The following DGKI variants were observed in gnomAD, a reference collection of about 807,000 sequenced individuals.
The protein encoded by DGKI is DAG kinase iota.
A neutral mutation model predicts 147.5 loss-of-function variants in DGKI; 55 were observed. That is an observed-to-expected ratio of 0.37 (90% confidence interval 0.30 to 0.47). DGKI has a LOEUF of 0.47. Among genes scored for constraint, DGKI ranks in the 20% least tolerant of loss-of-function variants. DGKI has a pLI of 1.00. For missense variants in DGKI, 1,007 were observed against 1,323.8 expected (o/e 0.76, Z 3.71); for synonymous variants, 469 against 477.1 (o/e 0.98, Z 0.22).
intron 2 of DGKI, among the ~76,000 whole-genome samples, chr7:137,688,637 G>A (rs769986012): frequency 3.3e-5 from 5 of 152,104 alleles, no homozygotes; most frequent in Non-Finnish European, 5.9e-5. Context: ...CAACTCTTTC[G>A]GTTCCTTGAT....
chr7:137,719,116 G>A (rs971162023), intron 1 of DGKI, among the ~76,000 whole-genome samples: 5 of 151,996 alleles, frequency 3.3e-5, no homozygotes, highest in Non-Finnish European at 2.9e-5. Flanking sequence ...AGTTCATGTC[G>A]AACGTGTCCT....
At chr7:137,807,698 T>C (rs1797425121) in intron 1 of DGKI, among the ~76,000 whole-genome samples, 1 of 152,204 alleles carries the variant, frequency 6.6e-6, no homozygotes. Flanking sequence ...AGGCAAGCCC[T>C]GAAACTAGAA....
intron 3 of DGKI, among the ~76,000 whole-genome samples, chr7:137,659,344 G>T (rs567033707): frequency 6.6e-6 from 1 of 152,070 alleles, no homozygotes; most frequent in Non-Finnish European, 1.5e-5. Flanking sequence ...TTAGCAAATC[G>T]GAAATTTTAA....
At chr7:137,490,529 T>C (rs576823066) in intron 21 of DGKI, among the ~76,000 whole-genome samples, 6 of 152,348 alleles carry the variant, frequency 3.9e-5, no homozygotes, top group Admixed American at 2.6e-4. Context: ...GTAAGTTATA[T>C]GCCAGTTTTC....
chr7:137,503,043 C>T (rs952673099), intron 21 of DGKI, among the ~76,000 whole-genome samples: 2 of 152,140 alleles, frequency 1.3e-5, no homozygotes, highest in Non-Finnish European at 2.9e-5. Context: ...TGAAGTCAGA[C>T]ACATTCTCGT....
At chr7:137,792,943 G>T (rs1796901572) in intron 1 of DGKI, among the ~76,000 whole-genome samples, 2 of 152,118 alleles carry the variant, frequency 1.3e-5, no homozygotes, top group Non-Finnish European at 2.9e-5. Context: ...CCCAGTCTCA[G>T]GTATTCCTAC....
chr7:137,493,975 A>C lies in DGKI; in HGVS notation c.2249-6286T>G, dbSNP rs1815868548. ...AGATGAAAGATGAAATGACCATTTT[A>C]AGAAATAACTAAATTGAGATGCTAG... On this transcript the variant is annotated intron_variant, in intron 21 of 32. Coordinates refer to ENST00000614521, the MANE Select transcript of DGKI (RefSeq NM_001321708.2). 7.2e-6 allele frequency: 4 copies of C among 552,272 alleles called. No homozygotes were observed. The East Asian group carries it at 1.2e-4, about 16-fold the overall frequency. 34.2% of individuals were successfully genotyped at this position (552,272 alleles called of 1,614,324 possible).
chr7:137,479,731 T>C lies in DGKI; in HGVS notation c.2373+5643A>G, dbSNP rs187236894. 2.0e-3 allele frequency among the ~76,000 whole-genome samples: 306 copies of C among 152,330 alleles called. 3 individuals are homozygous for C. Among genetic ancestry groups the C allele is most frequent in the African/African-American group, 7.0e-3 (289 of 41,568 alleles). ...AAAAGTTCTATGGCTTGGGAATCCCTGCCTCATTTAATAATGGCCAATCAA... is the reference window on the plus strand; with the variant it reads ...AAAAGTTCTATGGCTTGGGAATCCCCGCCTCATTTAATAATGGCCAATCAA... On this transcript the variant is annotated intron_variant, in intron 23 of 32. Coordinates refer to ENST00000614521, the MANE Select transcript of DGKI (RefSeq NM_001321708.2).
intron 28 of DGKI, among the ~76,000 whole-genome samples, chr7:137,414,539 A>G (rs1434271769): frequency 2.0e-3 from 4 of 1,966 alleles, no homozygotes; most frequent in Admixed American, 0.026. Context: ...TTATGTGTAA[A>G]AAAAAAAAAA....
At chr7:137,642,109 A>G (rs1821648467) in intron 6 of DGKI, among the ~76,000 whole-genome samples, 1 of 152,180 alleles carries the variant, frequency 6.6e-6, no homozygotes, top group Non-Finnish European at 1.5e-5. Flanking sequence ...ATTAAACAAT[A>G]TGTGCTAGAT....
intron 1 of DGKI, among the ~76,000 whole-genome samples, chr7:137,803,233 A>T (rs756463025): frequency 4.6e-5 from 7 of 152,172 alleles, no homozygotes; most frequent in African/African-American, 7.2e-5. Flanking sequence ...TGAGGAGACC[A>T]GTTTTGCTGG....
rs768780135 is a variant in DGKI, at chr7:137,552,522, C to T, written c.1994G>A (p.Arg665Gln). The change falls in exon 20 of 33, where the codon CGA becomes CAA. Residue 665 changes from arginine (R) to glutamine (Q), a missense_variant. By Grantham distance (43) the Arg-to-Gln change is conservative (BLOSUM62 1). Coordinates refer to ENST00000614521, the MANE Select transcript of DGKI (RefSeq NM_001321708.2). ...GGHGERLHQC[R>Q]EVMLLTYKSI... ...TTTGTAAGTTAGAAGCATGACTTCT[C>T]GACACTGGTGTAGCCTCTCTCCATG... is the stretch of plus-strand genomic sequence containing the variant. The T allele has an allele frequency of 3.7e-6, 6 of 1,614,180 alleles. No individual in the cohort carries two copies. The highest frequency in any genetic ancestry group is 4.2e-6 in the Non-Finnish European group (5 of 1,180,030).
chr7:137,404,342 A>T (rs1253680179), intron 30 of DGKI, among the ~76,000 whole-genome samples: 4 of 152,220 alleles, frequency 2.6e-5, no homozygotes. Context: ...ATTTCTGAAT[A>T]AATAAAAAAG....
Position 137,384,308 on chromosome 7 carries a change from C to T in DGKI, c.*6912G>A, listed in dbSNP as rs986089206. 3 of 151,704 alleles carry T rather than the reference C, an allele frequency of 2.0e-5. No homozygotes were observed. Among genetic ancestry groups the T allele is most frequent in the South Asian group, 2.1e-4 (1 of 4,824 alleles). 9.4% of individuals were successfully genotyped at this position (151,704 alleles called of 1,614,324 possible). On this transcript the variant is annotated 3_prime_UTR_variant, in exon 33 of 33. Transcript: ENST00000614521. ...TTTGCTTGAACTATGTACAAGCTGACAAGCCTCTCTCCGACAGCAAAAACT... is the reference window on the plus strand; with the variant it reads ...TTTGCTTGAACTATGTACAAGCTGATAAGCCTCTCTCCGACAGCAAAAACT...
chr7:137,624,616 T>C (rs1337972775), intron 6 of DGKI, among the ~76,000 whole-genome samples: 1 of 152,094 alleles, frequency 6.6e-6, no homozygotes, highest in African/African-American at 2.4e-5. Flanking sequence ...GTTTTTGTTT[T>C]TTTTTTGAGA....
At chr7:137,486,223 A>G (rs1815552905) in intron 22 of DGKI, among the ~76,000 whole-genome samples, 1 of 152,052 alleles carries the variant, frequency 6.6e-6, no homozygotes, top group African/African-American at 2.4e-5. Context: ...TCCTACTTTT[A>G]GTTGAATATT....
chr7:137,542,579 T>C (rs1203569515), intron 20 of DGKI, among the ~76,000 whole-genome samples: 1 of 152,142 alleles, frequency 6.6e-6, no homozygotes, highest in Non-Finnish European at 1.5e-5. Flanking sequence ...TAATGATTAG[T>C]GGTTGCCAGA....
rs1554392414 is a variant in DGKI, at chr7:137,382,322, G to GA, written c.*8897dup. 7 of 151,584 alleles carry GA rather than the reference G, an allele frequency of 4.6e-5. No individual in the cohort carries two copies. Among genetic ancestry groups the GA allele is most frequent in the African/African-American group, 1.7e-4 (7 of 41,218 alleles). 9.4% of individuals were successfully genotyped at this position (151,584 alleles called of 1,614,324 possible). A position where few individuals can be genotyped will look rare whatever the true frequency, so the allele number is the denominator to read the frequency against. On this transcript the variant is annotated 3_prime_UTR_variant, in exon 33 of 33. Coordinates refer to ENST00000614521, the MANE Select transcript of DGKI (RefSeq NM_001321708.2). ...TAAGTGAATATATTGAGATTTGTGG[G>GA]AAAAAACCCTAAATATTCCTTATTT...
chr7:137,626,168 T>C (rs1820933339), intron 6 of DGKI, among the ~76,000 whole-genome samples: 1 of 152,146 alleles, frequency 6.6e-6, no homozygotes, highest in African/African-American at 2.4e-5. Context: ...ATTAGCACTA[T>C]ACACTGAGTC....
Sources: allele counts gnomAD v4.1 joint callset (sites outside exome capture counted in the v4.1 genomes callset), GRCh38; gene constraint gnomAD v4.1.1; transcripts MANE v1.5; gene names NCBI Gene and HGNC (gene_info 2026-07-23, HGNC 2026-07-21).